The following CCNB3 variants were observed in gnomAD, a reference collection of about 807,000 sequenced individuals.
CCNB3 encodes the protein cyclin B3, also known as G2/mitotic-specific cyclin-B3.
Under a neutral mutation model 68.0 loss-of-function variants are expected in CCNB3, and 12 were observed. The observed-to-expected ratio is 0.18, with a 90% CI of 0.11 to 0.29. CCNB3 has a LOEUF of 0.29. Among genes scored for constraint, CCNB3 ranks in the 10% least tolerant of loss-of-function variants. CCNB3 has a pLI of 1.00. For synonymous variants in CCNB3, 354 were observed against 388.9 expected (o/e 0.91, Z 1.06); for missense variants, 904 against 993.1 (o/e 0.91, Z 1.21).
intron 1 of CCNB3, among the ~76,000 whole-genome samples, chrX:50,224,645 A>G (rs948481203): frequency 9.0e-6 from 1 of 111,689 alleles, no homozygotes; most frequent in Non-Finnish European, 1.9e-5. Context: ...ATGACTAAAG[A>G]CTTACGGTGA....
At chrX:50,329,065 A>G (rs1922442950) in intron 8 of CCNB3, among the ~76,000 whole-genome samples, 1 of 112,488 alleles carries the variant, frequency 8.9e-6, no homozygotes, top group African/African-American at 3.2e-5. Context: ...CTGTGACTTT[A>G]TGGGGTTCAG....
At chrX:50,281,338 G>A (rs1161449295) in intron 1 of CCNB3, among the ~76,000 whole-genome samples, 8 of 110,412 alleles carry the variant, frequency 7.2e-5, no homozygotes, top group Non-Finnish European at 1.5e-4. Context: ...AGGTTGAGAC[G>A]GACTCGAGTC....
chrX:50,337,319 G>C (rs1223699697), intron 8 of CCNB3, among the ~76,000 whole-genome samples: 2 of 110,885 alleles, frequency 1.8e-5, no homozygotes, highest in Non-Finnish European at 3.8e-5. Flanking sequence ...GATTCTTCCG[G>C]TGTTGGCTCG....
chrX:50,314,536 A>C (rs1450936380), intron 8 of CCNB3, among the ~76,000 whole-genome samples: 1 of 112,286 alleles, frequency 8.9e-6, no homozygotes, highest in Non-Finnish European at 1.9e-5. Flanking sequence ...AACATACAGC[A>C]TGGTCAGTCT....
At chrX:50,346,367 G>A (rs1328885822) in intron 9 of CCNB3, among the ~76,000 whole-genome samples, 1 of 112,008 alleles carries the variant, frequency 8.9e-6, no homozygotes, top group Non-Finnish European at 1.9e-5. Context: ...CCTAGGCCCT[G>A]TGCCCCCATT....
intron 3 of CCNB3, among the ~76,000 whole-genome samples, chrX:50,287,872 AGCCACTCCCCATC>A (rs1557209561): frequency 9.0e-6 from 1 of 110,634 alleles, no homozygotes; most frequent in African/African-American, 3.3e-5. Context: ...CGGTATTTAT[AGCCACTCCCCATC>A]GCTCATATTA....
intron 5 of CCNB3, among the ~76,000 whole-genome samples, chrX:50,302,149 A>G (rs1179806896): frequency 2.7e-5 from 3 of 112,107 alleles, no homozygotes; most frequent in Non-Finnish European, 5.6e-5. Context: ...TCCTGCACCC[A>G]CTGTCTGGCA....
At chrX:50,301,036 A>AT (rs782816751) in intron 5 of CCNB3, among the ~76,000 whole-genome samples, 369 of 102,302 alleles carry the variant, frequency 3.6e-3, no homozygotes, top group African/African-American at 0.011. Flanking sequence ...CCATTCGTCT[A>AT]TTTTTTTTTT....
intron 5 of CCNB3, among the ~76,000 whole-genome samples, chrX:50,295,589 A>C (rs1484551593): frequency 1.8e-5 from 2 of 111,599 alleles, no homozygotes; most frequent in East Asian, 2.8e-4. Flanking sequence ...ACTAATCTAC[A>C]TCTGAATAGA....
At chrX:50,322,114 G>A (rs1351424290) in intron 8 of CCNB3, among the ~76,000 whole-genome samples, 9 of 97,690 alleles carry the variant, frequency 9.2e-5, no homozygotes, top group Non-Finnish European at 1.8e-4. Flanking sequence ...ACATTGCCAA[G>A]TCAATCATAA....
intron 9 of CCNB3, among the ~76,000 whole-genome samples, chrX:50,342,869 G>C (rs1469790934): frequency 9.1e-6 from 1 of 110,214 alleles, no homozygotes; most frequent in Non-Finnish European, 1.9e-5. Context: ...ACAGTGCCTG[G>C]CTAATTTCCA....
At chrX:50,226,487 A>G (rs1384828437) in intron 1 of CCNB3, among the ~76,000 whole-genome samples, 7 of 72,929 alleles carry the variant, frequency 9.6e-5, no homozygotes, top group Non-Finnish European at 1.2e-4. Context: ...AAATATATAT[A>G]GAATATATAA....
At position 50,351,764 on chromosome X, in the gene CCNB3, G is replaced by T. The variant is rs1923696667; in HGVS notation, c.*61G>T. ...GTATATTTATTCTATGTTCGAATTTGTCTTTTGATCGCTTTTATTCATTTT... is the reference window on the plus strand; with the variant it reads ...GTATATTTATTCTATGTTCGAATTTTTCTTTTGATCGCTTTTATTCATTTT... On this transcript the variant is annotated 3_prime_UTR_variant, in exon 13 of 13. Coordinates refer to ENST00000376042, the MANE Select transcript of CCNB3 (RefSeq NM_033031.3). 1 of 859,820 alleles carries T rather than the reference G, an allele frequency of 1.2e-6. No individual in the cohort carries two copies. Among genetic ancestry groups the T allele is most frequent in the African/African-American group, 2.0e-5 (1 of 49,402 alleles). 70.9% of individuals were successfully genotyped at this position (859,820 alleles called of 1,213,427 possible).
chrX:50,346,906 A>C, intron 10 of CCNB3, 99 bp downstream of exon 10: 1 of 886,937 alleles, frequency 1.1e-6, no homozygotes, highest in South Asian at 2.7e-5. Context: ...GGAAAGGGAC[A>C]ACAGGCAGCA....
intron 1 of CCNB3, among the ~76,000 whole-genome samples, chrX:50,214,709 T>G (rs1168792585): frequency 9.8e-6 from 1 of 101,965 alleles, no homozygotes; most frequent in Admixed American, 1.1e-4. Flanking sequence ...TTATTATATA[T>G]AAATTTAAAA....
chrX:50,348,797 T>A (rs1205257804), intron 11 of CCNB3, among the ~76,000 whole-genome samples: 5 of 112,004 alleles, frequency 4.5e-5, no homozygotes. Context: ...CTAGGAGTGG[T>A]GTTCACAATC....
intron 5 of CCNB3, among the ~76,000 whole-genome samples, chrX:50,297,837 G>A (rs1467822135): frequency 4.6e-5 from 5 of 109,015 alleles, no homozygotes; most frequent in Non-Finnish European, 5.8e-5. Flanking sequence ...TTCTTGAAAA[G>A]GTCCTTCACA....
intron 1 of CCNB3, among the ~76,000 whole-genome samples, chrX:50,210,848 G>A (rs1307992111): frequency 9.0e-6 from 1 of 111,630 alleles, no homozygotes; most frequent in Non-Finnish European, 1.9e-5. Flanking sequence ...GAAATATAAC[G>A]AGTCACGCTG....
At chrX:50,333,460 T>A (rs1343350177) in intron 8 of CCNB3, among the ~76,000 whole-genome samples, 2 of 111,970 alleles carry the variant, frequency 1.8e-5, no homozygotes, top group Non-Finnish European at 3.8e-5. Context: ...CCTCGCATTG[T>A]GCTGTTGGCA....
Sources: gnomAD v4.1 joint callset for allele counts (sites outside exome capture counted in the v4.1 genomes callset) on GRCh38, gnomAD v4.1.1 for gene constraint, MANE v1.5 for transcripts, NCBI Gene and HGNC (gene_info 2026-07-23, HGNC 2026-07-21) for gene names.